BLOC1S3: variants seen among roughly 807,000 people sequenced by gnomAD.
The protein encoded by BLOC1S3 is biogenesis of lysosomal organelles complex 1 subunit 3.
Under a neutral mutation model 9.1 loss-of-function variants are expected in BLOC1S3, and 7 were observed. That is an observed-to-expected ratio of 0.77 (90% CI 0.44 to 1.45). BLOC1S3 has a LOEUF of 1.45. BLOC1S3 is among the 40% of genes most tolerant of loss of function. BLOC1S3 has a pLI of 0.01. For missense variants in BLOC1S3, 307 were observed against 315.2 expected, an observed-to-expected ratio of 0.97 and a Z score of 0.20; for synonymous variants, 145 against 158.4, an observed-to-expected ratio of 0.92 and a Z score of 0.64.
chr19:45,187,963 A>C (rs2122900043), intron 2 of BLOC1S3, among the ~76,000 whole-genome samples: 1 of 152,224 alleles, frequency 6.6e-6, no homozygotes, highest in African/African-American at 2.4e-5. Context: ...AATATGTAAC[A>C]ATTACAACAT....
At chr19:45,210,448 G>A (rs528146682) in intron 3 of BLOC1S3, among the ~76,000 whole-genome samples, 1 of 151,244 alleles carries the variant, frequency 6.6e-6, no homozygotes, top group South Asian at 2.1e-4. Context: ...TTATAGATGC[G>A]CCACCACGCC....
downstream of BLOC1S3, among the ~76,000 whole-genome samples, chr19:45,185,128 G>A (rs1003157614): frequency 6.6e-6 from 1 of 152,056 alleles, no homozygotes; most frequent in Non-Finnish European, 1.5e-5. Context: ...TAGCCCCCAA[G>A]GGGAAGGGCA....
chr19:45,183,829 G>T (rs531516600), downstream of BLOC1S3, among the ~76,000 whole-genome samples: 10 of 151,636 alleles, frequency 6.6e-5, no homozygotes, highest in Admixed American at 5.9e-4. Context: ...TAGAGATGAG[G>T]TTTCACCATA....
chr19:45,182,576 A>G (rs1008061490), downstream of BLOC1S3, among the ~76,000 whole-genome samples: 1 of 152,152 alleles, frequency 6.6e-6, no homozygotes, highest in Admixed American at 6.5e-5. Flanking sequence ...AGGCAGGAGA[A>G]TCGCTTGAGC....
intron 3 of BLOC1S3, chr19:45,213,389 G>C: frequency 6.2e-7 from 1 of 1,608,374 alleles, no homozygotes; most frequent in Non-Finnish European, 8.5e-7. Flanking sequence ...GGTGCATGCA[G>C]ATCCCCAGCT....
At position 45,192,315 on chromosome 19, in the gene BLOC1S3, C is replaced by T. The variant is rs1006452940; in HGVS notation, n.180+4575C>T. Among the ~76,000 whole-genome samples, 3 of 152,180 alleles carry T rather than the reference C, an allele frequency of 2.0e-5. No homozygotes were observed. The East Asian group carries it at 5.8e-4, about 29-fold the overall frequency. ...CAGGCCTGGGTCTCTCCCTTCAGGG[C>T]AGTGGGCTCCCCTCTGGCCAAAGGT... On this transcript the variant is annotated intron_variant and non_coding_transcript_variant, in intron 2 of 3. Transcript: ENST00000591569.
intron 3 of BLOC1S3, among the ~76,000 whole-genome samples, chr19:45,214,452 TTG>T (rs1020240589): frequency 6.8e-6 from 1 of 147,008 alleles, no homozygotes; most frequent in East Asian, 2.0e-4. Flanking sequence ...ACTAGTTTTT[TTG>T]TGTGTTTGTT....
At chr19:45,207,234 G>GCAAT (rs1174881605) in intron 3 of BLOC1S3, among the ~76,000 whole-genome samples, 1 of 151,750 alleles carries the variant, frequency 6.6e-6, no homozygotes, top group Non-Finnish European at 1.5e-5. Context: ...CCGGGTTCAA[G>GCAAT]TGATTTTCCT....
chr19:45,180,043 T>G lies in BLOC1S3; in HGVS notation c.*138T>G. 2.2e-6 allele frequency: 2 copies of G among 925,090 alleles called. No individual in the cohort carries two copies. Among genetic ancestry groups the G allele is most frequent in the Non-Finnish European group, 1.6e-6 (1 of 625,806 alleles). 57.3% of individuals were successfully genotyped at this position (925,090 alleles called of 1,614,324 possible). On this transcript the variant is annotated 3_prime_UTR_variant, in exon 2 of 2. Coordinates refer to ENST00000433642, the MANE Select transcript of BLOC1S3 (RefSeq NM_212550.5). ...GTGTCACCCATGGGGGCTAATCCGG[T>G]CCCCTTGGATAATGCTTTATATTGG... is the stretch of plus-strand genomic sequence containing the variant.
At chr19:45,210,595 G>A (rs1209370973) in intron 3 of BLOC1S3, among the ~76,000 whole-genome samples, 2 of 150,690 alleles carry the variant, frequency 1.3e-5, no homozygotes, top group African/African-American at 4.9e-5. Context: ...CACCTCACCC[G>A]GCCACTTTTT....
intron 3 of BLOC1S3, among the ~76,000 whole-genome samples, chr19:45,209,024 C>T (rs901175092): frequency 2.7e-4 from 40 of 149,842 alleles, no homozygotes; most frequent in African/African-American, 8.9e-4. Flanking sequence ...ATCTATTGCA[C>T]AACATGGTGA....
chr19:45,206,622 AAT>A (rs1491464997), intron 3 of BLOC1S3, among the ~76,000 whole-genome samples: 5 of 118,880 alleles, frequency 4.2e-5, no homozygotes, highest in African/African-American at 2.0e-4. Flanking sequence ...CACCTAGTTA[AAT>A]TTTTTTTTTT....
chr19:45,206,190 A>G (rs2122933643), intron 3 of BLOC1S3, among the ~76,000 whole-genome samples: 1 of 152,030 alleles, frequency 6.6e-6, no homozygotes, highest in East Asian at 1.9e-4. Flanking sequence ...TCTAGTAAAA[A>G]AATATATATA....
At chr19:45,209,894 G>A (rs1969755492) in intron 3 of BLOC1S3, among the ~76,000 whole-genome samples, 1 of 150,124 alleles carries the variant, frequency 6.7e-6, no homozygotes, top group Admixed American at 6.7e-5. Flanking sequence ...ACCACGCCCG[G>A]CTAATTTTTG....
At chr19:45,213,250 G>C (rs753760745) in intron 3 of BLOC1S3, 1 of 1,613,310 alleles carries the variant, frequency 6.2e-7, no homozygotes, top group Non-Finnish European at 8.5e-7. Context: ...GGGTGACAGG[G>C]CTCCCTCCTC....
rs777265575 is a variant in BLOC1S3 at position 45,216,031 on chromosome 19, CGGCCA to C, written n.283-641_283-637del. ...GGATGCCAAGGCCGCCAGGAGACCTCGGCCAGGCACGGCGAGCCCTGGCCCAGGCG... is the reference window on the plus strand; with the variant it reads ...GGATGCCAAGGCCGCCAGGAGACCTCGGCACGGCGAGCCCTGGCCCAGGCG... On this transcript the variant is annotated intron_variant and non_coding_transcript_variant, in intron 3 of 3. Transcript: ENST00000591569. 7 of 1,607,134 alleles carry C rather than the reference CGGCCA, an allele frequency of 4.4e-6. No individual in the cohort carries two copies. In the East Asian group the frequency reaches 1.6e-4, roughly 36 times the overall value.
intron 2 of BLOC1S3, among the ~76,000 whole-genome samples, chr19:45,194,932 C>CTTT (rs112584333): frequency 0.024 from 3,421 of 140,166 alleles, 58 homozygotes; most frequent in Middle Eastern, 0.038. Flanking sequence ...GTGTGTTATA[C>CTTT]TTTTTTTTTT....
intron 2 of BLOC1S3, among the ~76,000 whole-genome samples, chr19:45,190,090 A>C (rs1969593721): frequency 6.6e-6 from 1 of 150,804 alleles, no homozygotes; most frequent in Non-Finnish European, 1.5e-5. Context: ...GGCTCCAGTG[A>C]CCCTCCTGCC....
intron 2 of BLOC1S3, among the ~76,000 whole-genome samples, chr19:45,196,898 C>CAAA (rs761156453): frequency 0.24 from 32,449 of 136,652 alleles, 4,639 homozygotes; most frequent in Non-Finnish European, 0.32. Context: ...AAGACTGTCT[C>CAAA]AAAAAAAAAA....
Sources: gnomAD v4.1 joint callset for allele counts (sites outside exome capture counted in the v4.1 genomes callset) on GRCh38, gnomAD v4.1.1 for gene constraint, MANE v1.5 for transcripts, NCBI Gene and HGNC (gene_info 2026-07-23, HGNC 2026-07-21) for gene names.